ETV6: variants seen among roughly 807,000 people sequenced by gnomAD.
ETV6 encodes the protein ETS variant transcription factor 6.
In ETV6, 16 loss-of-function variants were observed where a neutral mutation model predicts 51.1. That is an observed-to-expected ratio of 0.31 (90% CI 0.21 to 0.48). The LOEUF (loss-of-function observed/expected upper bound fraction) is 0.48. Ranked by LOEUF, ETV6 falls within the 20% of genes least tolerant of loss-of-function variation. The pLI, the probability that ETV6 is intolerant of heterozygous loss-of-function variation, is 0.99. For missense variants in ETV6, 458 were observed against 594.8 expected (o/e 0.77, Z 2.39); for synonymous variants, 240 against 224.1 (o/e 1.07, Z -0.64).
intron 1 of ETV6, among the ~76,000 whole-genome samples, chr12:11,664,410 G>A (rs891422657): frequency 6.6e-6 from 1 of 152,084 alleles, no homozygotes; most frequent in Non-Finnish European, 1.5e-5. Flanking sequence ...GGAGATGGCA[G>A]CTTTTCTTGG....
chr12:11,865,763 T>C (rs1018731279), intron 4 of ETV6, among the ~76,000 whole-genome samples: 1 of 150,720 alleles, frequency 6.6e-6, no homozygotes, highest in African/African-American at 2.4e-5. Flanking sequence ...TCTCCCCCTG[T>C]ACATAGTTTC....
intron 1 of ETV6, among the ~76,000 whole-genome samples, chr12:11,717,250 G>T (rs1256359801): frequency 6.6e-6 from 1 of 152,182 alleles, no homozygotes; most frequent in Non-Finnish European, 1.5e-5. Context: ...GACAAACCTG[G>T]AGCCAAGGGG....
intron 5 of ETV6, among the ~76,000 whole-genome samples, chr12:11,877,682 A>C (rs1326416272): frequency 1.3e-5 from 2 of 152,156 alleles, no homozygotes; most frequent in African/African-American, 2.4e-5. Flanking sequence ...GAACAGTCCT[A>C]GGGAAGCAGT....
At chr12:11,707,864 T>C (rs979891371) in intron 1 of ETV6, among the ~76,000 whole-genome samples, 2 of 152,220 alleles carry the variant, frequency 1.3e-5, no homozygotes, top group African/African-American at 4.8e-5. Context: ...ACCTGTTAAC[T>C]GAGAAACTGA....
intron 2 of ETV6, among the ~76,000 whole-genome samples, chr12:11,772,930 C>T (rs1394464203): frequency 1.3e-5 from 2 of 152,136 alleles, no homozygotes; most frequent in African/African-American, 4.8e-5. Context: ...TGCAGTGGCT[C>T]ATGCCTGTAA....
At chr12:11,671,532 A>G (rs1368486982) in intron 1 of ETV6, among the ~76,000 whole-genome samples, 1 of 152,224 alleles carries the variant, frequency 6.6e-6, no homozygotes, top group Non-Finnish European at 1.5e-5. Context: ...AAGGCGATGG[A>G]TATACCAGTT....
chr12:11,667,103 T>C (rs1273631127), intron 1 of ETV6, among the ~76,000 whole-genome samples: 2 of 152,192 alleles, frequency 1.3e-5, no homozygotes, highest in African/African-American at 2.4e-5. Flanking sequence ...GAAGTTGTGC[T>C]CCCTCTTAAA....
At chr12:11,750,120 G>A (rs1865993964) in intron 1 of ETV6, among the ~76,000 whole-genome samples, 2 of 152,158 alleles carry the variant, frequency 1.3e-5, no homozygotes, top group South Asian at 2.1e-4. Context: ...GGGGGATGGC[G>A]TCAGATCCCA....
chr12:11,869,318 T>C lies in ETV6; in HGVS notation c.464-106T>C. 2 of 953,254 alleles carry C rather than the reference T, an allele frequency of 2.1e-6. No homozygotes were observed. Among genetic ancestry groups the C allele is most frequent in the Non-Finnish European group, 3.2e-6 (2 of 631,278 alleles). The allele number at this position is 953,254 out of a possible 1,614,324, so 59.0% of individuals were successfully genotyped here. A position where few individuals can be genotyped will look rare whatever the true frequency, so the allele number is the denominator to read the frequency against. On this transcript the variant is annotated intron_variant, in intron 4 of 7. Transcript: ENST00000396373. This position sits in a 1 kb window ranked among gnomAD's most constrained non-coding sequence, Gnocchi z 5.0. Reference sequence around the variant, plus strand: ...CTGCATTCTGGGGAGAAAGGTCCTTTACACATACCTACACGCTCCTCCATT... The same window carrying C: ...CTGCATTCTGGGGAGAAAGGTCCTTCACACATACCTACACGCTCCTCCATT...
At chr12:11,651,304 T>G (rs1174415105) in intron 1 of ETV6, among the ~76,000 whole-genome samples, 3 of 152,092 alleles carry the variant, frequency 2.0e-5, no homozygotes, top group African/African-American at 7.2e-5. Context: ...CTGTGGGGAG[T>G]TAGAAAAACC....
At chr12:11,884,968 A>G (rs1055226754) in intron 6 of ETV6, among the ~76,000 whole-genome samples, 1 of 152,210 alleles carries the variant, frequency 6.6e-6, no homozygotes. Flanking sequence ...TTTTCTGCTC[A>G]GTTAGAAACT....
intron 3 of ETV6, among the ~76,000 whole-genome samples, chr12:11,849,900 A>G (rs1027648006): frequency 5.3e-5 from 8 of 152,216 alleles, no homozygotes; most frequent in African/African-American, 1.7e-4. Context: ...GTGCACGCAC[A>G]GCAAGTGGTC....
intron 1 of ETV6, among the ~76,000 whole-genome samples, chr12:11,683,233 G>A (rs1242572062): frequency 1.3e-5 from 2 of 152,160 alleles, no homozygotes; most frequent in Non-Finnish European, 2.9e-5. Flanking sequence ...TAGTAGAGAC[G>A]GGGTTTTGCC....
At chr12:11,792,343 T>C (rs1945611571) in intron 2 of ETV6, among the ~76,000 whole-genome samples, 1 of 152,204 alleles carries the variant, frequency 6.6e-6, no homozygotes, top group Non-Finnish European at 1.5e-5. Flanking sequence ...GAATTTACTT[T>C]AGACAAAATC....
intron 2 of ETV6, among the ~76,000 whole-genome samples, chr12:11,793,077 A>T (rs2724621): frequency 1.3e-3 from 180 of 140,400 alleles, no homozygotes; most frequent in African/African-American, 2.9e-3. Flanking sequence ...TCTTTAATTT[A>T]AAAAAAAAAA....
In ETV6 at chr12:11,861,983, G is replaced by C. The variant is rs1946724745; in HGVS notation, c.464-7441G>C. Among the ~76,000 whole-genome samples, 3 of 152,134 alleles carry C rather than the reference G, an allele frequency of 2.0e-5. No individual in the cohort carries two copies. In the South Asian group the frequency reaches 6.2e-4, roughly 31 times the overall value. On this transcript the variant is annotated intron_variant, in intron 4 of 7. Coordinates refer to ENST00000396373, the MANE Select transcript of ETV6 (RefSeq NM_001987.5). ...GAAGAGCAAGACAGTCTGCAGCCCC[G>C]ACTGTGAGGACTGTGAGGCCTCCTG...
chr12:11,727,968 C>T lies in ETV6; in HGVS notation c.34-24482C>T, dbSNP rs547782690. ...CCGAGTAGCTGGGATTACAGACACGCGCCACCACGCCTGGCTAATTTTTAA... is the reference window on the plus strand; with the variant it reads ...CCGAGTAGCTGGGATTACAGACACGTGCCACCACGCCTGGCTAATTTTTAA... On this transcript the variant is annotated intron_variant, in intron 1 of 7. Transcript: ENST00000396373. Among the ~76,000 whole-genome samples the T allele has an allele frequency of 1.4e-4, 22 of 152,226 alleles. No homozygotes were observed. In the East Asian group the frequency reaches 3.1e-3, roughly 21 times the overall value.
chr12:11,710,635 A>G (rs1865156512), intron 1 of ETV6, among the ~76,000 whole-genome samples: 1 of 151,922 alleles, frequency 6.6e-6, no homozygotes, highest in African/African-American at 2.4e-5. Flanking sequence ...TAGTATCACA[A>G]TGCTAGTATT....
chr12:11,789,632 GTCTT>G (rs1945550894), intron 2 of ETV6, among the ~76,000 whole-genome samples: 1 of 152,134 alleles, frequency 6.6e-6, no homozygotes, highest in Non-Finnish European at 1.5e-5. Flanking sequence ...TCTGAAGAAT[GTCTT>G]TCTTCTTTCC....
Sources: gnomAD v4.1 joint callset for allele counts (sites outside exome capture counted in the v4.1 genomes callset) on GRCh38, gnomAD v4.1.1 for gene constraint, Gnocchi (gnomAD v3.1) non-coding constraint, MANE v1.5 for transcripts, NCBI Gene and HGNC (gene_info 2026-07-23, HGNC 2026-07-21) for gene names.